CYB5R3: variants seen among roughly 807,000 people sequenced by gnomAD.
CYB5R3 encodes NADH-cytochrome b5 reductase 3.
Under a neutral mutation model 36.5 loss-of-function variants are expected in CYB5R3, and 28 were observed. That is an observed-to-expected ratio of 0.77 (90% CI 0.57 to 1.05). The LOEUF (loss-of-function observed/expected upper bound fraction) is 1.05, where lower values mean the gene tolerates loss of function less well. Ranked by LOEUF, CYB5R3 falls within the 50% of genes least tolerant of loss-of-function variation. The pLI, the probability that CYB5R3 is intolerant of heterozygous loss-of-function variation, is 0.00. For synonymous variants in CYB5R3, 181 were observed against 159.8 expected (o/e 1.13, Z -1.00); for missense variants, 474 against 408.9 (o/e 1.16, Z -1.37).
chr22:42,643,469 G>A (rs1185454006), intron 1 of CYB5R3, among the ~76,000 whole-genome samples: 1 of 109,542 alleles, frequency 9.1e-6, no homozygotes, highest in South Asian at 2.7e-4. Flanking sequence ...CCCTGCAACG[G>A]CCCAGCAGCT....
At chr22:42,638,294 G>C (rs1297916445) in intron 1 of CYB5R3, among the ~76,000 whole-genome samples, 1 of 150,992 alleles carries the variant, frequency 6.6e-6, no homozygotes, top group Admixed American at 6.6e-5. Context: ...TACTTGAGAG[G>C]GTGAGGCAGG....
intron 7 of CYB5R3, among the ~76,000 whole-genome samples, chr22:42,625,926 A>G (rs1270324622): frequency 6.6e-6 from 1 of 152,256 alleles, no homozygotes; most frequent in African/African-American, 2.4e-5. Flanking sequence ...GTAGAAACAA[A>G]CACAGGAATC....
chr22:42,631,416 G>A lies in CYB5R3; in HGVS notation c.188C>T (p.Ala63Val). ...CAGGATGTGCTGGGGTGACGGCAGG[G>A]CAAAGCGGAAGCGCCGGGTGTCATG... ...ISHDTRRFRFALPSPQHILGL... is the reference protein window; with the variant it reads ...ISHDTRRFRFVLPSPQHILGL... The change falls in exon 3 of 9, where the codon GCC becomes GTC. Residue 63 changes from alanine to valine, a missense_variant. By Grantham distance (64) the Ala-to-Val change is moderately conservative. Coordinates refer to ENST00000352397, the MANE Select transcript of CYB5R3 (RefSeq NM_000398.7). The A allele has an allele frequency of 6.4e-7, 1 of 1,551,658 alleles. No homozygotes were observed. Among genetic ancestry groups the A allele is most frequent in the Admixed American group, 2.0e-5 (1 of 51,010 alleles).
intron 8 of CYB5R3, among the ~76,000 whole-genome samples, chr22:42,621,640 TC>T (rs1239591968): frequency 6.6e-6 from 1 of 152,252 alleles, no homozygotes; most frequent in Non-Finnish European, 1.5e-5. Flanking sequence ...ACCCAACTAT[TC>T]CTCTCATTGG....
intron 4 of CYB5R3, 93 bp from the exon 5 acceptor site, chr22:42,628,374 T>C: frequency 6.6e-7 from 1 of 1,520,396 alleles, no homozygotes; most frequent in Non-Finnish European, 9.1e-7. Flanking sequence ...CTTCTGCAGC[T>C]TCTTCTGAGG....
At chr22:42,633,932 A>T (rs1384964318) in intron 2 of CYB5R3, among the ~76,000 whole-genome samples, 1 of 152,208 alleles carries the variant, frequency 6.6e-6, no homozygotes, top group African/African-American at 2.4e-5. Flanking sequence ...AAAAAAACAC[A>T]AACAAAAACA....
At chr22:42,627,762 G>T in intron 5 of CYB5R3, 74 bp from the exon 6 acceptor site, 1 of 1,174,482 alleles carries the variant, frequency 8.5e-7, no homozygotes, top group Non-Finnish European at 1.3e-6. Flanking sequence ...TGGAGAGGGG[G>T]CTGGAGAACC....
At chr22:42,621,917 G>A (rs1927994257) in intron 8 of CYB5R3, among the ~76,000 whole-genome samples, 2 of 152,224 alleles carry the variant, frequency 1.3e-5, no homozygotes, top group South Asian at 4.1e-4. Context: ...TGACACATGG[G>A]TACAGGATAA....
intron 1 of CYB5R3, among the ~76,000 whole-genome samples, chr22:42,641,433 A>G (rs1404027174): frequency 6.6e-6 from 1 of 152,002 alleles, no homozygotes; most frequent in Non-Finnish European, 1.5e-5. Context: ...CAACCTCCCA[A>G]GTAGCTGGGA....
chr22:42,630,517 T>C (rs1928552695), intron 4 of CYB5R3, among the ~76,000 whole-genome samples: 1 of 152,228 alleles, frequency 6.6e-6, no homozygotes, highest in African/African-American at 2.4e-5. Context: ...CCAGCCGGCC[T>C]TCCTGGAGCC....
chr22:42,626,812 C>G (rs1928292901), intron 7 of CYB5R3, among the ~76,000 whole-genome samples: 1 of 145,372 alleles, frequency 6.9e-6, no homozygotes, highest in African/African-American at 2.7e-5. Flanking sequence ...TCGTCCAAGA[C>G]CACACAGCAG....
chr22:42,639,906 C>T, intron 1 of CYB5R3: 1 of 1,508,288 alleles, frequency 6.6e-7, no homozygotes, highest in Non-Finnish European at 8.9e-7. Flanking sequence ...CTGATCACAC[C>T]TGGTCCAACA....
rs758121120 is a variant in CYB5R3, at chr22:42,619,788, G to C, written c.891C>G (p.Arg297=). 6.3e-6 allele frequency: 10 copies of C among 1,587,412 alleles called. No homozygotes were observed. The East Asian group carries it at 9.1e-5, about 14-fold the overall frequency. ...TGCCCGGCCCTCAGAAGACGAAGCA[G>C]CGCTCCGTGGGGTGGCCCACGTGGT... ...NLDHVGHPTE[R]CFVF The change falls in exon 9 of 9, where the codon CGC becomes CGG. Residue 297 remains arginine (R), a synonymous_variant. Transcript: ENST00000352397.
intron 7 of CYB5R3, among the ~76,000 whole-genome samples, chr22:42,625,297 A>T: frequency 6.6e-6 from 1 of 152,084 alleles, no homozygotes; most frequent in East Asian, 1.9e-4. Flanking sequence ...ACTTGAGCTC[A>T]TGAGTTCGAG....
At position 42,643,658 on chromosome 22, in the gene CYB5R3, A is replaced by G. The variant is rs8190411; in HGVS notation, c.21+5637T>C. On this transcript the variant is annotated intron_variant, in intron 1 of 8. Coordinates refer to ENST00000352397, the MANE Select transcript of CYB5R3 (RefSeq NM_000398.7). ...CCTAGCCCACCCCTCACCCATGCCCAGGGCCACCCAGCTGGGGTCTCTGGC... is the reference window on the plus strand; with the variant it reads ...CCTAGCCCACCCCTCACCCATGCCCGGGGCCACCCAGCTGGGGTCTCTGGC... Among the ~76,000 whole-genome samples the G allele has an allele frequency of 4.2e-3, 642 of 152,172 alleles. 5 individuals carry two copies. Among genetic ancestry groups the G allele is most frequent in the African/African-American group, 0.015 (605 of 41,522 alleles).
chr22:42,618,842 T>C lies in CYB5R3; in HGVS notation c.*931A>G, dbSNP rs797018433. The C allele has an allele frequency of 4.6e-5, 7 of 152,320 alleles. No individual in the cohort carries two copies. The highest frequency in any genetic ancestry group is 1.4e-4 in the African/African-American group (6 of 41,580). 9.4% of individuals were successfully genotyped at this position (152,320 alleles called of 1,614,324 possible). ...TATTAGCAAAGTTTTACTTTTTTTT[T>C]TTCTGCTCATAAATGACTCTGAAAA... is the stretch of plus-strand genomic sequence containing the variant. On this transcript the variant is annotated 3_prime_UTR_variant, in exon 9 of 9. Transcript: ENST00000352397.
intron 1 of CYB5R3, among the ~76,000 whole-genome samples, chr22:42,648,646 C>A (rs1200097175): frequency 2.6e-5 from 4 of 152,178 alleles, no homozygotes; most frequent in African/African-American, 7.2e-5. Flanking sequence ...GTGAGGTCCC[C>A]AGCACAGCTT....
intron 8 of CYB5R3, among the ~76,000 whole-genome samples, chr22:42,622,328 A>C (rs973818266): frequency 6.6e-6 from 1 of 151,926 alleles, no homozygotes; most frequent in Non-Finnish European, 1.5e-5. Flanking sequence ...CCCACATCAC[A>C]GGAACCCCGC....
intron 1 of CYB5R3, among the ~76,000 whole-genome samples, chr22:42,639,651 G>C (rs539282978): frequency 6.6e-6 from 1 of 151,814 alleles, no homozygotes; most frequent in Non-Finnish European, 1.5e-5. Context: ...ATTGAATAAG[G>C]CTTGTGGATT....
Sources: allele counts gnomAD v4.1 joint callset (sites outside exome capture counted in the v4.1 genomes callset), GRCh38; gene constraint gnomAD v4.1.1; transcripts MANE v1.5; gene names NCBI Gene and HGNC (gene_info 2026-07-23, HGNC 2026-07-21).